ASCC2: variants seen among roughly 807,000 people sequenced by gnomAD.
ASCC2 encodes ASC-1 complex subunit P100.
A neutral mutation model predicts 93.5 loss-of-function variants in ASCC2; 42 were observed. The ratio of observed to expected loss-of-function variants is 0.45; its 90% CI spans 0.35 to 0.58. The LOEUF (loss-of-function observed/expected upper bound fraction) is 0.58, where lower values mean the gene tolerates loss of function less well. ASCC2 is among the 20% of genes least tolerant of loss of function. The probability of loss-of-function intolerance (pLI) is 0.00; values close to 1 mark genes in which losing one functional copy is unlikely to be tolerated. For synonymous variants in ASCC2, 364 were observed against 384.2 expected (o/e 0.95, Z 0.62); for missense variants, 859 against 977.6 (o/e 0.88, Z 1.62).
intron 5 of ASCC2, among the ~76,000 whole-genome samples, chr22:29,819,627 A>C (rs2061321879): frequency 6.6e-6 from 1 of 152,176 alleles, no homozygotes; most frequent in African/African-American, 2.4e-5. Context: ...TCGATTTCAA[A>C]GCCTGTCTTC....
chr22:29,799,759 T>C (rs1263786458), intron 15 of ASCC2, among the ~76,000 whole-genome samples: 3 of 152,204 alleles, frequency 2.0e-5, no homozygotes, highest in Non-Finnish European at 4.4e-5. Flanking sequence ...GTCCCTCTGA[T>C]GGGTCATCAT....
intron 5 of ASCC2, chr22:29,822,078 G>A: frequency 2.4e-6 from 1 of 419,110 alleles, no homozygotes; most frequent in South Asian, 2.0e-5. Context: ...TGATTCTCCT[G>A]AAAAAAAACA....
rs926451736 is a variant in ASCC2 at position 29,793,656 on chromosome 22, G to A, written c.1709C>T (p.Thr570Met). 13 of 1,577,328 alleles carry A rather than the reference G, an allele frequency of 8.2e-6. No homozygotes were observed. The highest frequency in any genetic ancestry group is 1.7e-4 in the Middle Eastern group (1 of 6,022). Residue 570 changes from threonine (T) to methionine (M), a missense_variant, in exon 16 of 20, where the codon ACG becomes ATG. Transcript: ENST00000307790. ...ACGCTTGTCGTTCAGCAAACTCCGCGTGTTTTCCTCCTTCCTGGTGCTGAG... is the reference window on the plus strand; with the variant it reads ...ACGCTTGTCGTTCAGCAAACTCCGCATGTTTTCCTCCTTCCTGGTGCTGAG... ...KGKSTRKEEN[T>M]RSLLNDKRAV...
In ASCC2 at chr22:29,788,945, C is replaced by T. The variant is rs2068484301; in HGVS notation, c.*68G>A. Reference sequence around the variant, plus strand: ...AACTTGGGGCCCCTAGTGAGGAGGCCCCAGGCGATGGGAGCACGGCCTGGT... The same window carrying T: ...AACTTGGGGCCCCTAGTGAGGAGGCTCCAGGCGATGGGAGCACGGCCTGGT... On this transcript the variant is annotated 3_prime_UTR_variant, in exon 20 of 20. Transcript: ENST00000307790. 1.3e-6 allele frequency: 2 copies of T among 1,597,432 alleles called. No homozygotes were observed. Among genetic ancestry groups the T allele is most frequent in the African/African-American group, 2.7e-5 (2 of 74,452 alleles).
intron 13 of ASCC2, 71 bp downstream of exon 13, chr22:29,804,567 G>C (rs2059456974): frequency 6.5e-7 from 1 of 1,539,778 alleles, no homozygotes; most frequent in Non-Finnish European, 8.8e-7. Flanking sequence ...GAGGTTTCCT[G>C]CTGCCCCAGC....
chr22:29,790,163 C>T (rs979373466), intron 19 of ASCC2, among the ~76,000 whole-genome samples: 2 of 152,176 alleles, frequency 1.3e-5, no homozygotes, highest in Non-Finnish European at 2.9e-5. Context: ...GGTGATAAAT[C>T]CCCTCCTGTG....
Position 29,825,227 on chromosome 22 carries a change from G to T in ASCC2, c.271C>A (p.Leu91Met). Residue 91 changes from leucine (L) to methionine (M), a missense_variant, in exon 4 of 20, where the codon CTG becomes ATG. Leu to Met is a conservative substitution (Grantham distance 15). Transcript: ENST00000307790. This position sits in a 1 kb window ranked among gnomAD's most constrained non-coding sequence, Gnocchi z 4.9. ...GGGACATAGCGCAGGTAGGAGTCCA[G>T]GCACTTCTGTAGAGTCTCGTCAAAG... ...VIFDETLQKCLDSYLRYVPRK... is the reference protein window; with the variant it reads ...VIFDETLQKCMDSYLRYVPRK... 1 of 1,538,134 alleles carries T rather than the reference G, an allele frequency of 6.5e-7. No homozygotes were observed. The highest frequency in any genetic ancestry group is 1.4e-5 in the African/African-American group (1 of 72,034).
chr22:29,792,395 G>A (rs1227338835), intron 18 of ASCC2, 38 bp downstream of exon 18: 1 of 1,610,968 alleles, frequency 6.2e-7, no homozygotes, highest in East Asian at 2.2e-5. Context: ...CCTCAGAACT[G>A]CACTCTCCCC....
intron 7 of ASCC2, 115 bp downstream of exon 7, chr22:29,814,542 G>A (rs555841956): frequency 4.0e-6 from 3 of 741,116 alleles, no homozygotes; most frequent in Admixed American, 3.4e-5. Context: ...AGGGGCCCTG[G>A]GCAGGGAAGA....
chr22:29,830,348 C>A (rs1046047388), intron 2 of ASCC2, among the ~76,000 whole-genome samples: 23 of 152,144 alleles, frequency 1.5e-4, no homozygotes, highest in African/African-American at 5.6e-4. Flanking sequence ...GAACACGAAG[C>A]CTGTACTTGC....
rs761002921 is a variant in ASCC2, at chr22:29,790,479, C to A, written c.2092G>T (p.Ala698Ser). Residue 698 changes from alanine (A) to serine (S), a missense_variant, in exon 19 of 20, where the codon GCC (alanine) becomes TCC (serine). By Grantham distance (99) the Ala-to-Ser change is moderately conservative. Coordinates refer to ENST00000307790, the MANE Select transcript of ASCC2 (RefSeq NM_032204.5). ...CCCTTGAATGCTCACCCTTTCTTGG[C>A]GAGAAAGGCCATGCGCCTGGCTTCT... ...KAEARRMAFL[A>S]KKGYRHDSST... 6 of 1,614,070 alleles carry A rather than the reference C, an allele frequency of 3.7e-6. 1 individual carries two copies. Among genetic ancestry groups the A allele is most frequent in the Admixed American group, 3.3e-5 (2 of 60,028 alleles).
intron 1 of ASCC2, among the ~76,000 whole-genome samples, chr22:29,836,208 A>G (rs1478062169): frequency 1.3e-5 from 2 of 151,992 alleles, no homozygotes; most frequent in African/African-American, 2.4e-5. Flanking sequence ...TACTGAAAAC[A>G]CAGGTCAGAT....
chr22:29,813,053 G>A (rs774712352), intron 8 of ASCC2, among the ~76,000 whole-genome samples: 3 of 152,050 alleles, frequency 2.0e-5, no homozygotes, highest in Non-Finnish European at 4.4e-5. Flanking sequence ...AGTAATTTTT[G>A]TATTTTTAGT....
intron 5 of ASCC2, chr22:29,821,874 C>A: frequency 2.4e-6 from 1 of 417,678 alleles, no homozygotes; most frequent in African/African-American, 2.1e-5. Context: ...TGGTGTGCAC[C>A]TGTAGTCCCA....
At chr22:29,835,524 G>A (rs2063672524) in intron 1 of ASCC2, among the ~76,000 whole-genome samples, 1 of 152,092 alleles carries the variant, frequency 6.6e-6, no homozygotes, top group Non-Finnish European at 1.5e-5. Context: ...CAGTCCTACA[G>A]CCTGGATTCA....
At position 29,811,085 on chromosome 22, in the gene ASCC2, A is replaced by G. The variant is rs573484751; in HGVS notation, c.833+2345T>C. Among the ~76,000 whole-genome samples, 18 of 152,316 alleles carry G rather than the reference A, an allele frequency of 1.2e-4. No homozygotes were observed. In the South Asian group the frequency reaches 1.7e-3, roughly 14 times the overall value. On this transcript the variant is annotated intron_variant, in intron 8 of 19. Transcript: ENST00000307790. ...CTGAAAAAAACCTAAAGGACCATCT[A>G]TGGGATCTGGTATTCCATACAGTGG...
chr22:29,837,266 C>T (rs6006275), intron 1 of ASCC2, among the ~76,000 whole-genome samples: 18,915 of 88,930 alleles, frequency 0.21, 1,977 homozygotes, highest in African/African-American at 0.44. Flanking sequence ...CCGTCTCTAC[C>T]GAAAAAAAAA....
chr22:29,798,501 T>C (rs2058703478), intron 15 of ASCC2, among the ~76,000 whole-genome samples: 1 of 152,154 alleles, frequency 6.6e-6, no homozygotes, highest in South Asian at 2.1e-4. Flanking sequence ...CCCAAGAGAC[T>C]GGAAAGATAC....
intron 15 of ASCC2, 152 bp from the exon 16 acceptor site, chr22:29,793,828 G>A: frequency 1.3e-6 from 1 of 745,482 alleles, no homozygotes; most frequent in South Asian, 1.8e-5. Context: ...GGCGTGGGAG[G>A]GTGGGACTGT....
Sources: gnomAD v4.1 joint callset for allele counts (sites outside exome capture counted in the v4.1 genomes callset) on GRCh38, gnomAD v4.1.1 for gene constraint, Gnocchi (gnomAD v3.1) non-coding constraint, MANE v1.5 for transcripts, NCBI Gene and HGNC (gene_info 2026-07-23, HGNC 2026-07-21) for gene names.